SRD5A2: variants seen among roughly 807,000 people sequenced by gnomAD.
The protein encoded by SRD5A2 is steroid 5 alpha-reductase 2, also known as 3-oxo-5-alpha-steroid 4-dehydrogenase 2.
In SRD5A2, 30 loss-of-function variants were observed where a neutral mutation model predicts 27.4. That is an observed-to-expected ratio of 1.10 (90% CI 0.82 to 1.49). SRD5A2 has a LOEUF of 1.49. SRD5A2 is among the 40% of genes most tolerant of loss of function. The pLI, the probability that SRD5A2 is intolerant of heterozygous loss-of-function variation, is 0.00. For missense variants in SRD5A2, 348 were observed against 323.4 expected, an observed-to-expected ratio of 1.08 and a Z score of -0.58; for synonymous variants, 141 against 133.6, an observed-to-expected ratio of 1.06 and a Z score of -0.38.
At chr2:31,607,849 T>C in the SRD5A2 span, among the ~76,000 whole-genome samples, 1 of 151,994 alleles carries the variant, frequency 6.6e-6, no homozygotes, top group Non-Finnish European at 1.5e-5. Flanking sequence ...TGTGATAGTA[T>C]TAGGAAGTGG....
At chr2:31,609,897 G>C in the SRD5A2 span, among the ~76,000 whole-genome samples, 1 of 152,068 alleles carries the variant, frequency 6.6e-6, no homozygotes, top group African/African-American at 2.4e-5. Context: ...GAGATAAATA[G>C]CCCAATTTTA....
the SRD5A2 span, among the ~76,000 whole-genome samples, chr2:31,612,477 T>A: frequency 2.0e-5 from 3 of 152,092 alleles, no homozygotes; most frequent in Admixed American, 6.6e-5. Context: ...GCTGAAAGAT[T>A]TGTATACTTA....
chr2:31,559,765 T>C (rs1379871035), intron 1 of SRD5A2, among the ~76,000 whole-genome samples: 1 of 151,800 alleles, frequency 6.6e-6, no homozygotes, highest in African/African-American at 2.4e-5. Context: ...GTCTACTGAA[T>C]AGGACAAAAA....
chr2:31,621,836 TC>T, the SRD5A2 span, among the ~76,000 whole-genome samples: 3 of 152,078 alleles, frequency 2.0e-5, no homozygotes, highest in Admixed American at 2.0e-4. Flanking sequence ...AGAGATGAGA[TC>T]TTGCTATGTT....
chr2:31,640,890 C>G, the SRD5A2 span, among the ~76,000 whole-genome samples: 1 of 152,020 alleles, frequency 6.6e-6, no homozygotes, highest in Admixed American at 6.5e-5. Context: ...CCAGGGAACC[C>G]AAAAAGGTGG....
chr2:31,590,782 T>C, the SRD5A2 span, among the ~76,000 whole-genome samples: 2 of 152,110 alleles, frequency 1.3e-5, no homozygotes, highest in African/African-American at 4.8e-5. Context: ...GCCACATATA[T>C]ATAACTATCT....
chr2:31,612,309 G>T, the SRD5A2 span, among the ~76,000 whole-genome samples: 1 of 148,746 alleles, frequency 6.7e-6, no homozygotes, highest in East Asian at 2.0e-4. Context: ...GAGAGAGAAA[G>T]AAAAAAGAAT....
chr2:31,627,546 C>G, the SRD5A2 span, among the ~76,000 whole-genome samples: 1 of 151,868 alleles, frequency 6.6e-6, no homozygotes, highest in Non-Finnish European at 1.5e-5. Context: ...TCTAGTTCCT[C>G]TAGTTGTGAT....
At chr2:31,650,824 C>T in the SRD5A2 span, among the ~76,000 whole-genome samples, 3 of 152,182 alleles carry the variant, frequency 2.0e-5, no homozygotes, top group African/African-American at 4.8e-5. Flanking sequence ...GGGAAAACCA[C>T]ACACCATCTC....
intron 1 of SRD5A2, among the ~76,000 whole-genome samples, chr2:31,544,431 T>C: frequency 6.6e-6 from 1 of 151,594 alleles, no homozygotes; most frequent in Non-Finnish European, 1.5e-5. Context: ...ATGTGAAAAT[T>C]TTAAAACACA....
At chr2:31,555,008 T>C (rs2148082630) in intron 1 of SRD5A2, among the ~76,000 whole-genome samples, 1 of 150,840 alleles carries the variant, frequency 6.6e-6, no homozygotes, top group African/African-American at 2.4e-5. Flanking sequence ...GTGAAGAATT[T>C]AAAGCTTACA....
chr2:31,562,217 C>T (rs1666638177), intron 1 of SRD5A2, among the ~76,000 whole-genome samples: 1 of 151,548 alleles, frequency 6.6e-6, no homozygotes, highest in Admixed American at 6.6e-5. Context: ...GTTTACAGGT[C>T]TTTTTTTTCC....
At chr2:31,583,821 AT>A (rs371782977), upstream of SRD5A2, among the ~76,000 whole-genome samples, 30 of 152,186 alleles carry the variant, frequency 2.0e-4, no homozygotes, top group African/African-American at 7.0e-4. Flanking sequence ...GAAAAGGTTT[AT>A]ATCGACAGAT....
chr2:31,646,548 C>A, the SRD5A2 span, among the ~76,000 whole-genome samples: 2 of 152,236 alleles, frequency 1.3e-5, no homozygotes, highest in East Asian at 3.9e-4. Flanking sequence ...AGAACCTAGT[C>A]ACTTGGCTGC....
At chr2:31,531,751 A>C (rs535553263) in intron 2 of SRD5A2, among the ~76,000 whole-genome samples, 1 of 152,356 alleles carries the variant, frequency 6.6e-6, no homozygotes, top group Non-Finnish European at 1.5e-5. Context: ...ACCATTGTCC[A>C]GTATTTAAAT....
At position 31,525,954 on chromosome 2, in the gene SRD5A2, T is replaced by C. The variant is rs1435252955; in HGVS notation, c.*242A>G. Reference sequence around the variant, plus strand: ...CTCAGAGCAATAGCTAAGAAGCAACTGTCGCCATTTGGAAAAGTGGCTTTT... The same window carrying C: ...CTCAGAGCAATAGCTAAGAAGCAACCGTCGCCATTTGGAAAAGTGGCTTTT... On this transcript the variant is annotated 3_prime_UTR_variant, in exon 5 of 5. Transcript: ENST00000622030. 4 of 394,360 alleles carry C rather than the reference T, an allele frequency of 1.0e-5. No individual in the cohort carries two copies. Among genetic ancestry groups the C allele is most frequent in the African/African-American group, 2.0e-5 (1 of 49,258 alleles). 24.4% of individuals were successfully genotyped at this position (394,360 alleles called of 1,614,324 possible).
chr2:31,539,226 C>T (rs1666083396), intron 1 of SRD5A2, among the ~76,000 whole-genome samples: 1 of 152,172 alleles, frequency 6.6e-6, no homozygotes, highest in African/African-American at 2.4e-5. Context: ...CAGTGTGTTC[C>T]TGGATTTTCA....
chr2:31,564,806 C>T (rs1362570374), intron 1 of SRD5A2, among the ~76,000 whole-genome samples: 3 of 151,678 alleles, frequency 2.0e-5, no homozygotes, highest in South Asian at 2.1e-4. Context: ...TTTCTATCTT[C>T]GAAAACAAGA....
chr2:31,636,065 T>C, the SRD5A2 span, among the ~76,000 whole-genome samples: 1 of 152,098 alleles, frequency 6.6e-6, no homozygotes, highest in African/African-American at 2.4e-5. Context: ...GGATTTTTTT[T>C]CTATTTCTGT....
Sources: gnomAD v4.1 joint callset for allele counts (sites outside exome capture counted in the v4.1 genomes callset) on GRCh38, gnomAD v4.1.1 for gene constraint, MANE v1.5 for transcripts, NCBI Gene and HGNC (gene_info 2026-07-23, HGNC 2026-07-21) for gene names.